SLC25A48: variants seen among roughly 807,000 people sequenced by gnomAD.
The protein encoded by SLC25A48 is solute carrier family 25 member 48, also known as CTC-321K16.1.
SLC25A48 carries 29 observed loss-of-function variants against 32.2 expected under a neutral mutation model. The ratio of observed to expected loss-of-function variants is 0.90; its 90% confidence interval spans 0.67 to 1.23. The LOEUF is 1.23. Among genes scored for constraint, SLC25A48 ranks in the 50% most tolerant of loss-of-function variants. SLC25A48 has a pLI of 0.00. For missense variants in SLC25A48, 399 were observed against 422.7 expected, an observed-to-expected ratio of 0.94 and a Z score of 0.49; for synonymous variants, 164 against 172.3, an observed-to-expected ratio of 0.95 and a Z score of 0.38.
At chr5:135,860,366 T>C (rs1295639302) in intron 4 of SLC25A48, among the ~76,000 whole-genome samples, 1 of 152,204 alleles carries the variant, frequency 6.6e-6, no homozygotes, top group Admixed American at 6.5e-5. Context: ...CTCATTCTGC[T>C]ATTAGAAAAG....
chr5:135,864,523 C>T (rs1419414329), intron 4 of SLC25A48, among the ~76,000 whole-genome samples: 1 of 152,194 alleles, frequency 6.6e-6, no homozygotes. Flanking sequence ...ATCCTGAAGA[C>T]AACCCAGGCC....
intron 1 of SLC25A48, among the ~76,000 whole-genome samples, chr5:135,622,366 C>A (rs56371591): frequency 0.36 from 55,300 of 152,034 alleles, 10,066 homozygotes; most frequent in Middle Eastern, 0.39. Context: ...ACTTATATAC[C>A]TGTGCAGATA....
At chr5:135,786,138 C>G (rs1275250716) in intron 3 of SLC25A48, among the ~76,000 whole-genome samples, 6 of 150,972 alleles carry the variant, frequency 4.0e-5, no homozygotes, top group African/African-American at 1.5e-4. Flanking sequence ...TGGAACACCC[C>G]CCTTGCTCCA....
At chr5:135,599,677 G>C (rs982544428) in intron 1 of SLC25A48, among the ~76,000 whole-genome samples, 1 of 152,210 alleles carries the variant, frequency 6.6e-6, no homozygotes, top group South Asian at 2.1e-4. Context: ...CCACAGACCA[G>C]CACAAGAAGC....
At chr5:135,883,041 G>A (rs1414507659) in intron 7 of SLC25A48, 1 of 985,278 alleles carries the variant, frequency 1.0e-6, no homozygotes. Flanking sequence ...AGATGTTCTT[G>A]TCTTTCCTCC....
intron 4 of SLC25A48, among the ~76,000 whole-genome samples, chr5:135,867,733 A>G (rs1411273240): frequency 6.6e-6 from 1 of 152,212 alleles, no homozygotes; most frequent in Non-Finnish European, 1.5e-5. Flanking sequence ...GGCCTCACCA[A>G]TGGTGGTGGT....
chr5:135,680,053 G>T (rs1753859570), intron 3 of SLC25A48, among the ~76,000 whole-genome samples: 1 of 152,130 alleles, frequency 6.6e-6, no homozygotes, highest in Non-Finnish European at 1.5e-5. Context: ...CAAGCTCCTA[G>T]CCAATCCCAG....
chr5:135,602,671 T>G (rs1751827500), intron 1 of SLC25A48, among the ~76,000 whole-genome samples: 1 of 151,986 alleles, frequency 6.6e-6, no homozygotes, highest in Admixed American at 6.6e-5. Flanking sequence ...CGTGCAGGTT[T>G]GTTACATATG....
At chr5:135,720,294 AG>A (rs1245568556) in intron 3 of SLC25A48, among the ~76,000 whole-genome samples, 1 of 151,898 alleles carries the variant, frequency 6.6e-6, no homozygotes, top group African/African-American at 2.4e-5. Context: ...AGGGCCCGGA[AG>A]GGTGCTTTTG....
chr5:135,645,144 C>T (rs946216316), intron 3 of SLC25A48, among the ~76,000 whole-genome samples: 1 of 152,166 alleles, frequency 6.6e-6, no homozygotes, highest in African/African-American at 2.4e-5. Context: ...TGATATAATT[C>T]CGAGAGTAAG....
intron 3 of SLC25A48, among the ~76,000 whole-genome samples, chr5:135,775,546 C>G (rs1012945879): frequency 6.6e-6 from 1 of 151,408 alleles, no homozygotes; most frequent in Non-Finnish European, 1.5e-5. Flanking sequence ...GGCTGTACAC[C>G]CCTCATGTGA....
intron 1 of SLC25A48, among the ~76,000 whole-genome samples, chr5:135,585,647 T>A (rs1751347298): frequency 6.6e-6 from 1 of 152,226 alleles, no homozygotes; most frequent in Non-Finnish European, 1.5e-5. Context: ...GAATGCAGGA[T>A]GAATGAATTA....
At chr5:135,814,449 C>T (rs1757666834) in intron 4 of SLC25A48, among the ~76,000 whole-genome samples, 1 of 152,214 alleles carries the variant, frequency 6.6e-6, no homozygotes. Flanking sequence ...GAATGTCAAA[C>T]ATCCTGCCTG....
intron 4 of SLC25A48, among the ~76,000 whole-genome samples, chr5:135,862,395 T>C (rs1314097766): frequency 1.3e-5 from 2 of 152,242 alleles, no homozygotes; most frequent in Non-Finnish European, 2.9e-5. Flanking sequence ...ACTATCCTAA[T>C]CATTGCACCA....
intron 3 of SLC25A48, among the ~76,000 whole-genome samples, chr5:135,789,048 C>A (rs996172801): frequency 1.5e-4 from 22 of 150,550 alleles, no homozygotes; most frequent in African/African-American, 4.6e-4. Flanking sequence ...GGGATGTACA[C>A]CCCCATGCCA....
chr5:135,772,805 G>T (rs1042289110), intron 3 of SLC25A48, among the ~76,000 whole-genome samples: 3 of 151,370 alleles, frequency 2.0e-5, no homozygotes, highest in African/African-American at 7.3e-5. Flanking sequence ...TGTCTCAGGG[G>T]TTGTACAACC....
chr5:135,873,782 G>T (rs1251345168), intron 5 of SLC25A48, among the ~76,000 whole-genome samples: 1 of 152,196 alleles, frequency 6.6e-6, no homozygotes, highest in South Asian at 2.1e-4. Flanking sequence ...CATAAAGATA[G>T]GTACTGCCAT....
chr5:135,646,659 T>TTTTATATATATA (rs1339935279), intron 3 of SLC25A48, among the ~76,000 whole-genome samples: 4 of 125,396 alleles, frequency 3.2e-5, no homozygotes, highest in Non-Finnish European at 3.3e-5. Flanking sequence ...TAATTTCCCA[T>TTTTATATATATA]TATATATATA....
At chr5:135,668,007 G>T (rs955576922) in intron 3 of SLC25A48, among the ~76,000 whole-genome samples, 2 of 152,206 alleles carry the variant, frequency 1.3e-5, no homozygotes, top group Non-Finnish European at 2.9e-5. Flanking sequence ...TCTGGGGTGT[G>T]AAGACATAGT....
Sources: allele counts gnomAD v4.1 joint callset (sites outside exome capture counted in the v4.1 genomes callset), GRCh38; gene constraint gnomAD v4.1.1; transcripts MANE v1.5; gene names NCBI Gene and HGNC (gene_info 2026-07-23, HGNC 2026-07-21).